The following PUM1 variants were observed in gnomAD, a reference collection of about 807,000 sequenced individuals.
PUM1 encodes pumilio RNA binding family member 1, also known as pumilio homolog 1.
PUM1 carries 13 observed loss-of-function variants against 131.8 expected under a neutral mutation model. The observed-to-expected ratio is 0.10, with a 90% CI of 0.06 to 0.16. The LOEUF is 0.16. Among genes scored for constraint, PUM1 ranks in the 10% least tolerant of loss-of-function variants. PUM1 has a pLI of 1.00. For synonymous variants in PUM1, 509 were observed against 556.5 expected (o/e 0.91, Z 1.20); for missense variants, 961 against 1,512.4 (o/e 0.64, Z 6.05).
At chr1:30,933,609 G>A (rs1044888606) in intron 21 of PUM1, among the ~76,000 whole-genome samples, 6 of 152,190 alleles carry the variant, frequency 3.9e-5, no homozygotes, top group African/African-American at 1.2e-4. Flanking sequence ...GACCCTGGAG[G>A]CTGGGTGGCC....
chr1:31,031,769 C>A (rs1466687901), intron 2 of PUM1, among the ~76,000 whole-genome samples: 2 of 152,200 alleles, frequency 1.3e-5, no homozygotes, highest in African/African-American at 4.8e-5. Flanking sequence ...ACTTGCTCAT[C>A]CTGCCCTTGT....
At chr1:30,963,997 C>G (rs1421286657) in intron 14 of PUM1, among the ~76,000 whole-genome samples, 1 of 151,674 alleles carries the variant, frequency 6.6e-6, no homozygotes, top group Admixed American at 6.6e-5. Context: ...AGATTTGCCA[C>G]CAAAAAAAAG....
At position 30,964,870 on chromosome 1, in the gene PUM1, G is replaced by A. The variant is rs755544653; in HGVS notation, c.2127C>T (p.Ser709=). The A allele has an allele frequency of 3.7e-6, 6 of 1,614,102 alleles. No individual in the cohort carries two copies. The highest frequency in any genetic ancestry group is 5.1e-6 in the Non-Finnish European group (6 of 1,180,008). The change falls in exon 14 of 22, where the codon TCC becomes TCT. Residue 709 remains serine (S), a synonymous_variant. Coordinates refer to ENST00000426105, the MANE Select transcript of PUM1 (RefSeq NM_001020658.2). ...SNTGSGSRRD[S]LTGSSDLYKR... ...TATAAAGGTCACTGCTGCCAGTCAG[G>A]GAGTCACGGCGGGAGCCACTGCCAG...
At chr1:30,989,273 A>G (rs1202727133) in intron 7 of PUM1, among the ~76,000 whole-genome samples, 2 of 152,160 alleles carry the variant, frequency 1.3e-5, no homozygotes, top group Non-Finnish European at 2.9e-5. Context: ...AGGCACAGCT[A>G]AAGAACTACC....
intron 10 of PUM1, among the ~76,000 whole-genome samples, chr1:30,969,973 C>G (rs1640807468): frequency 6.6e-6 from 1 of 152,080 alleles, no homozygotes; most frequent in South Asian, 2.1e-4. Context: ...CAAGGATCTA[C>G]TTTTTATTAA....
Position 30,950,237 on chromosome 1 carries a change from C to A in PUM1, c.2746G>T (p.Ala916Ser). The A allele has an allele frequency of 6.2e-7, 1 of 1,613,794 alleles. No individual in the cohort carries two copies. Among genetic ancestry groups the A allele is most frequent in the Non-Finnish European group, 8.5e-7 (1 of 1,179,816 alleles). The change falls in exon 17 of 22, where the codon GCT becomes TCT. Residue 916 changes from alanine to serine, a missense_variant. Physicochemically the swap from Ala to Ser is moderately conservative, Grantham distance 99 (BLOSUM62 1). Coordinates refer to ENST00000426105, the MANE Select transcript of PUM1 (RefSeq NM_001020658.2). Reference sequence around the variant, plus strand: ...TGGCCTCGAATCCGTTCTGCCAAAGCCAGCTTCTGTTCAAGACTGCCAAAC... The same window carrying A: ...TGGCCTCGAATCCGTTCTGCCAAAGACAGCTTCTGTTCAAGACTGCCAAAC... ...FEFGSLEQKL[A>S]LAERIRGHVL...
intron 5 of PUM1, among the ~76,000 whole-genome samples, chr1:31,001,069 C>T (rs1642192945): frequency 6.6e-6 from 1 of 152,130 alleles, no homozygotes. Context: ...CGCCTGTAGT[C>T]CCAGCTACTC....
chr1:31,035,407 AG>A (rs1249775758), intron 2 of PUM1, among the ~76,000 whole-genome samples: 1 of 150,514 alleles, frequency 6.6e-6, no homozygotes, highest in East Asian at 2.0e-4. Context: ...AAAAAAAAAA[AG>A]TCATAACTAC....
chr1:30,958,180 C>A (rs1251474182), intron 14 of PUM1, among the ~76,000 whole-genome samples: 1 of 152,066 alleles, frequency 6.6e-6, no homozygotes, highest in Non-Finnish European at 1.5e-5. Flanking sequence ...TCCTAAAAAA[C>A]TAAAAGGCGT....
rs772997122 is a variant in PUM1 at position 30,992,493 on chromosome 1, T to A, written c.1055A>T (p.His352Leu). The change falls in exon 7 of 22, where the codon CAT becomes CTT. Residue 352 changes from histidine to leucine, a missense_variant. Transcript: ENST00000426105. The stretch of plus-strand genomic sequence containing the variant: ...AAACTGAAGAGGCTCCATGCCCACA[T>A]GTTCCATGGGGTCCAAGGGGACACT... ...SQSVPLDPME[H>L]VGMEPLQFDY... 5.6e-6 allele frequency: 9 copies of A among 1,614,220 alleles called. No individual in the cohort carries two copies. Among genetic ancestry groups the A allele is most frequent in the Non-Finnish European group, 7.6e-6 (9 of 1,180,018 alleles).
intron 17 of PUM1, chr1:30,949,027 T>C (rs1639812076): frequency 3.1e-5 from 14 of 455,008 alleles, no homozygotes; most frequent in South Asian, 1.8e-4. Flanking sequence ...TTTAAAAACT[T>C]TGGACTTCTT....
rs557344340 is a variant in PUM1, at chr1:31,034,247, A to T, written c.364-5383T>A. The stretch of plus-strand genomic sequence containing the variant: ...TTTACAATGAACGTCCCTTTACTGG[A>T]GCCGATTTGACTAGTTGTCTGTTGC... On this transcript the variant is annotated intron_variant, in intron 2 of 21. Coordinates refer to ENST00000426105, the MANE Select transcript of PUM1 (RefSeq NM_001020658.2). 4.6e-5 allele frequency among the ~76,000 whole-genome samples: 7 copies of T among 152,268 alleles called. No individual in the cohort carries two copies. The South Asian group carries it at 1.5e-3, about 32-fold the overall frequency.
chr1:31,031,028 G>C (rs1643409847), intron 2 of PUM1, among the ~76,000 whole-genome samples: 1 of 152,128 alleles, frequency 6.6e-6, no homozygotes, highest in African/African-American at 2.4e-5. Flanking sequence ...CCCTGAAATA[G>C]GAGCTATGAT....
At chr1:30,954,762 C>A (rs949743894) in intron 14 of PUM1, among the ~76,000 whole-genome samples, 3 of 152,038 alleles carry the variant, frequency 2.0e-5, no homozygotes, top group Admixed American at 6.6e-5. Flanking sequence ...GACCAAAAGG[C>A]GTATCAAAAC....
intron 1 of PUM1, among the ~76,000 whole-genome samples, chr1:31,062,547 G>A (rs1049390048): frequency 6.6e-6 from 1 of 151,378 alleles, no homozygotes; most frequent in Non-Finnish European, 1.5e-5. Context: ...TTGAACCCAG[G>A]AGGCGGAGGT....
chr1:30,938,016 C>A (rs1353071854), intron 20 of PUM1, among the ~76,000 whole-genome samples: 1 of 152,158 alleles, frequency 6.6e-6, no homozygotes, highest in African/African-American at 2.4e-5. Flanking sequence ...AAGCAATCTG[C>A]CCGCCTCAGC....
At chr1:31,048,593 G>A (rs1333181411) in intron 2 of PUM1, among the ~76,000 whole-genome samples, 1 of 151,478 alleles carries the variant, frequency 6.6e-6, no homozygotes, top group African/African-American at 2.4e-5. Context: ...TCCTGCCTCA[G>A]CCTCCCAAGT....
chr1:30,956,097 G>A (rs986358051), intron 14 of PUM1, among the ~76,000 whole-genome samples: 2 of 152,184 alleles, frequency 1.3e-5, no homozygotes, highest in East Asian at 1.9e-4. Flanking sequence ...CCCTTTCGGG[G>A]TCTGAAATTC....
Position 31,060,926 on chromosome 1 carries a change from A to G in PUM1, c.-11-1349T>C, listed in dbSNP as rs572889401. 4.7e-3 allele frequency among the ~76,000 whole-genome samples: 710 copies of G among 151,598 alleles called. 5 individuals are homozygous for G. Among genetic ancestry groups the G allele is most frequent in the African/African-American group, 0.016 (654 of 41,374 alleles). ...AATAATAAATAAATAAATAAATAAA[A>G]CCTCCAATATATTGATAGGATATTT... is the stretch of plus-strand genomic sequence containing the variant. On this transcript the variant is annotated intron_variant, in intron 1 of 21. Coordinates refer to ENST00000426105, the MANE Select transcript of PUM1 (RefSeq NM_001020658.2).
Sources: allele counts gnomAD v4.1 joint callset (sites outside exome capture counted in the v4.1 genomes callset), GRCh38; gene constraint gnomAD v4.1.1; transcripts MANE v1.5; gene names NCBI Gene and HGNC (gene_info 2026-07-23, HGNC 2026-07-21).